The following PDGFD variants were observed in gnomAD, a reference collection of about 807,000 sequenced individuals.
PDGFD encodes platelet derived growth factor D.
Under a neutral mutation model 44.7 loss-of-function variants are expected in PDGFD, and 30 were observed. The ratio of observed to expected loss-of-function variants is 0.67; its 90% CI spans 0.50 to 0.91. PDGFD has a LOEUF of 0.91. Ranked by LOEUF, PDGFD falls within the 40% of genes least tolerant of loss-of-function variation. The probability of loss-of-function intolerance (pLI) is 0.00; values close to 1 mark genes in which losing one functional copy is unlikely to be tolerated. For synonymous variants in PDGFD, 173 were observed against 168.4 expected, an observed-to-expected ratio of 1.03 and a Z score of -0.21; for missense variants, 445 against 457.8, an observed-to-expected ratio of 0.97 and a Z score of 0.25.
rs564750567 is a variant in PDGFD at position 103,957,337 on chromosome 11, G to T, written c.511-9613C>A. Among the ~76,000 whole-genome samples the T allele has an allele frequency of 1.6e-3, 242 of 152,268 alleles. 1 individual carries two copies. In the Middle Eastern group the frequency reaches 0.02, roughly 13 times the overall value. On this transcript the variant is annotated intron_variant, in intron 3 of 6. Transcript: ENST00000393158. ...ATGCCATCCCCATCAAGCTACCAAT[G>T]ACTTTCTTCACAGAATTGGAAAAAA...
At chr11:103,984,516 AT>A (rs1391544003) in intron 3 of PDGFD, among the ~76,000 whole-genome samples, 1 of 151,512 alleles carries the variant, frequency 6.6e-6, no homozygotes, top group Non-Finnish European at 1.5e-5. Flanking sequence ...CCATGACACA[AT>A]TTTGCCTATG....
chr11:104,066,031 G>T (rs1860786245), intron 1 of PDGFD, among the ~76,000 whole-genome samples: 1 of 152,074 alleles, frequency 6.6e-6, no homozygotes, highest in South Asian at 2.1e-4. Flanking sequence ...AAAAATTGGT[G>T]TCATATATAC....
At chr11:103,995,991 G>C in intron 3 of PDGFD, 74 bp downstream of exon 3, 1 of 1,337,234 alleles carries the variant, frequency 7.5e-7, no homozygotes, top group Non-Finnish European at 1.0e-6. Flanking sequence ...CACTGAATTT[G>C]ATCATAGAAA....
At chr11:104,085,630 G>C (rs1861118527) in intron 1 of PDGFD, among the ~76,000 whole-genome samples, 1 of 151,980 alleles carries the variant, frequency 6.6e-6, no homozygotes, top group African/African-American at 2.4e-5. Context: ...CATGTTAATA[G>C]AAATAACATA....
intron 1 of PDGFD, chr11:104,037,565 G>A: frequency 6.2e-7 from 1 of 1,614,076 alleles, no homozygotes; most frequent in Non-Finnish European, 8.5e-7. Context: ...TACATTAACT[G>A]CAAAGTGAAT....
chr11:104,029,595 A>G (rs1245163181), intron 1 of PDGFD, among the ~76,000 whole-genome samples: 1 of 152,210 alleles, frequency 6.6e-6, no homozygotes, highest in Non-Finnish European at 1.5e-5. Flanking sequence ...TTTCTTTGGA[A>G]TCTCTCAATA....
chr11:104,099,016 A>C (rs1861328885), intron 1 of PDGFD, among the ~76,000 whole-genome samples: 3 of 152,320 alleles, frequency 2.0e-5, no homozygotes, highest in Admixed American at 2.0e-4. Flanking sequence ...ACAATGAAAT[A>C]AAAGAATAAT....
chr11:104,078,501 C>G lies in PDGFD; in HGVS notation c.125-78246G>C, dbSNP rs745964493. Among the ~76,000 whole-genome samples, 8 of 75,388 alleles carry G rather than the reference C, an allele frequency of 1.1e-4. No individual in the cohort carries two copies. In the South Asian group the frequency reaches 3.5e-3, roughly 33 times the overall value. 49.5% of individuals were successfully genotyped at this position (75,388 alleles called of 152,430 possible). A position where few individuals can be genotyped will look rare whatever the true frequency, so the allele number is the denominator to read the frequency against. On this transcript the variant is annotated intron_variant, in intron 1 of 6. Transcript: ENST00000393158. ...TTACCCTACCACTCTCTCCCTCTTT[C>G]CTTGATTCAGGCTTTCTTTTAATGA...
chr11:104,097,806 G>A (rs1861307796), intron 1 of PDGFD, among the ~76,000 whole-genome samples: 1 of 152,082 alleles, frequency 6.6e-6, no homozygotes, highest in Non-Finnish European at 1.5e-5. Flanking sequence ...TAACAAATGG[G>A]CTTCGACATG....
At chr11:103,993,727 A>G (rs1591111652) in intron 3 of PDGFD, among the ~76,000 whole-genome samples, 3 of 152,206 alleles carry the variant, frequency 2.0e-5, no homozygotes, top group Admixed American at 6.5e-5. Flanking sequence ...AAAAAGCCAC[A>G]TGATCTAGAG....
chr11:104,114,279 A>G (rs1861600311), intron 1 of PDGFD, among the ~76,000 whole-genome samples: 1 of 151,996 alleles, frequency 6.6e-6, no homozygotes, highest in African/African-American at 2.4e-5. Flanking sequence ...GAAAGGTGTG[A>G]AGTCTCTGTG....
intron 1 of PDGFD, among the ~76,000 whole-genome samples, chr11:104,053,946 G>A (rs1860580689): frequency 6.6e-6 from 1 of 152,180 alleles, no homozygotes. Context: ...AGACATTTAT[G>A]AAGGTAGAAG....
intron 3 of PDGFD, among the ~76,000 whole-genome samples, chr11:103,965,549 C>T (rs1348555650): frequency 6.6e-6 from 1 of 152,138 alleles, no homozygotes; most frequent in Non-Finnish European, 1.5e-5. Flanking sequence ...GCTATGTTAA[C>T]AGGATATGTA....
In PDGFD at chr11:103,964,284, G is replaced by A. The variant is rs941908028; in HGVS notation, c.511-16560C>T. Among the ~76,000 whole-genome samples the A allele has an allele frequency of 9.2e-5, 14 of 152,038 alleles. No homozygotes were observed. In the East Asian group the frequency reaches 9.6e-4, roughly 10 times the overall value. On this transcript the variant is annotated intron_variant, in intron 3 of 6. Transcript: ENST00000393158. ...ATTTCCAACTGAAGAAGCTACATGC[G>A]GCTCAGCTACAGGTGATTAGCAGCT...
intron 3 of PDGFD, among the ~76,000 whole-genome samples, chr11:103,979,026 G>A (rs1053257624): frequency 6.6e-5 from 10 of 152,140 alleles, no homozygotes; most frequent in African/African-American, 1.9e-4. Flanking sequence ...GAGCTTTGCA[G>A]ATGCTTTCCC....
intron 1 of PDGFD, among the ~76,000 whole-genome samples, chr11:104,142,324 T>A (rs1410884107): frequency 1.3e-5 from 2 of 152,172 alleles, no homozygotes; most frequent in East Asian, 3.8e-4. Context: ...TATATGTTTA[T>A]ATGAATATGT....
At chr11:104,124,378 T>C (rs904423778) in intron 1 of PDGFD, among the ~76,000 whole-genome samples, 2 of 152,098 alleles carry the variant, frequency 1.3e-5, no homozygotes, top group African/African-American at 2.4e-5. Flanking sequence ...CTGTATAATA[T>C]GGTGGTGAAT....
chr11:104,015,903 G>A (rs1859853160), intron 1 of PDGFD, among the ~76,000 whole-genome samples: 2 of 152,124 alleles, frequency 1.3e-5, no homozygotes, highest in Admixed American at 1.3e-4. Flanking sequence ...ATGACAGCTG[G>A]TTTTTACTAT....
intron 1 of PDGFD, among the ~76,000 whole-genome samples, chr11:104,161,839 C>A (rs1400920702): frequency 2.0e-5 from 3 of 152,072 alleles, no homozygotes; most frequent in African/African-American, 7.2e-5. Flanking sequence ...ATTTTTTACT[C>A]TATATAAAAC....
Sources: allele counts gnomAD v4.1 joint callset (sites outside exome capture counted in the v4.1 genomes callset), GRCh38; gene constraint gnomAD v4.1.1; transcripts MANE v1.5; gene names NCBI Gene and HGNC (gene_info 2026-07-23, HGNC 2026-07-21).